TBL1X: variants seen among roughly 807,000 people sequenced by gnomAD.
TBL1X encodes F-box-like/WD repeat-containing protein TBL1X.
Under a neutral mutation model 50.7 loss-of-function variants are expected in TBL1X, and 10 were observed. The observed-to-expected ratio is 0.20, with a 90% CI of 0.12 to 0.33. The LOEUF (loss-of-function observed/expected upper bound fraction) is 0.33. Ranked by LOEUF, TBL1X falls within the 10% of genes least tolerant of loss-of-function variation. The pLI is 1.00. For missense variants in TBL1X, 340 were observed against 504.4 expected, an observed-to-expected ratio of 0.67 and a Z score of 3.12; for synonymous variants, 190 against 214.7, an observed-to-expected ratio of 0.88 and a Z score of 1.01.
rs571548640 is a variant in TBL1X at position 9,578,287 on chromosome X, G to A, written c.-130-61986G>A. On this transcript the variant is annotated intron_variant, in intron 2 of 17. Transcript: ENST00000645353. The stretch of plus-strand genomic sequence containing the variant: ...GCCTCACTCTGTCTCCCACGCTGGA[G>A]TGCAGTGGCGCAATCAAAGCTGACT... Among the ~76,000 whole-genome samples, 121 of 111,155 alleles carry A rather than the reference G, an allele frequency of 1.1e-3. No homozygotes were observed. In the Middle Eastern group the frequency reaches 0.014, roughly 13 times the overall value.
At chrX:9,662,862 T>TG (rs1943358124) in intron 5 of TBL1X, among the ~76,000 whole-genome samples, 2 of 111,868 alleles carry the variant, frequency 1.8e-5, no homozygotes, top group Admixed American at 1.9e-4. Flanking sequence ...AAGGCTGAGG[T>TG]GGGGGGATCA....
chrX:9,559,899 T>C (rs1023589096), intron 2 of TBL1X, among the ~76,000 whole-genome samples: 3 of 112,465 alleles, frequency 2.7e-5, no homozygotes, highest in Non-Finnish European at 5.6e-5. Context: ...AGGAAATATC[T>C]GCAGCCTTTT....
chrX:9,606,353 A>G (rs766991646), intron 2 of TBL1X, among the ~76,000 whole-genome samples: 1 of 112,061 alleles, frequency 8.9e-6, no homozygotes, highest in Non-Finnish European at 1.9e-5. Flanking sequence ...ATAATCGTCT[A>G]TCAGAAAATT....
intron 17 of TBL1X, 98 bp from the exon 18 acceptor site, chrX:9,716,122 C>A: frequency 1.1e-6 from 1 of 908,267 alleles, no homozygotes; most frequent in Non-Finnish European, 1.6e-6. Flanking sequence ...CGGTGGAGGG[C>A]TAGATTGGGC....
At chrX:9,709,432 TC>T in intron 14 of TBL1X, 110 bp downstream of exon 14, 1 of 978,392 alleles carries the variant, frequency 1.0e-6, no homozygotes, top group Middle Eastern at 2.6e-4. Flanking sequence ...CTGACCACCC[TC>T]CCTTCCTCTG....
At chrX:9,674,362 C>G (rs767235513) in intron 5 of TBL1X, among the ~76,000 whole-genome samples, 179 of 109,437 alleles carry the variant, frequency 1.6e-3, no homozygotes, top group Non-Finnish European at 2.5e-3. Context: ...TGGGCTCAAG[C>G]AGTCCTCCCA....
intron 2 of TBL1X, among the ~76,000 whole-genome samples, chrX:9,540,953 A>G (rs2082211498): frequency 1.8e-5 from 2 of 111,544 alleles, no homozygotes; most frequent in African/African-American, 6.5e-5. Context: ...CCAGTTTCCA[A>G]CTCAACCTCT....
intron 2 of TBL1X, among the ~76,000 whole-genome samples, chrX:9,536,737 A>C (rs1223363753): frequency 1.8e-5 from 2 of 111,765 alleles, no homozygotes; most frequent in African/African-American, 3.3e-5. Context: ...TGTTACTCTT[A>C]AATTGGGCTG....
intron 12 of TBL1X, among the ~76,000 whole-genome samples, chrX:9,701,085 A>G (rs910709852): frequency 9.0e-6 from 1 of 110,601 alleles, no homozygotes; most frequent in African/African-American, 3.3e-5. Flanking sequence ...GCAGCGATAC[A>G]CATCTACCCA....
intron 11 of TBL1X, among the ~76,000 whole-genome samples, chrX:9,694,393 G>A (rs185585449): frequency 2.6e-4 from 29 of 111,492 alleles, no homozygotes; most frequent in African/African-American, 9.1e-4. Context: ...CTTGAAGTTC[G>A]AGACCAGCCT....
intron 2 of TBL1X, among the ~76,000 whole-genome samples, chrX:9,513,093 C>A: frequency 9.0e-6 from 1 of 110,760 alleles, no homozygotes; most frequent in South Asian, 4.0e-4. Flanking sequence ...GAGGAAGCCC[C>A]CAGAGTCTCG....
At chrX:9,658,786 G>A (rs1369049577) in intron 5 of TBL1X, among the ~76,000 whole-genome samples, 4 of 111,288 alleles carry the variant, frequency 3.6e-5, no homozygotes, top group African/African-American at 1.3e-4. Context: ...GGGAAAGGGA[G>A]GTACTATGAA....
At chrX:9,522,010 TTTC>T (rs1316657118) in intron 2 of TBL1X, among the ~76,000 whole-genome samples, 3 of 106,961 alleles carry the variant, frequency 2.8e-5, no homozygotes, top group Non-Finnish European at 5.7e-5. Context: ...TCTTTCTTCG[TTTC>T]TTTTTTTTTT....
chrX:9,521,349 G>A (rs1279133011), intron 2 of TBL1X, among the ~76,000 whole-genome samples: 1 of 111,402 alleles, frequency 9.0e-6, no homozygotes, highest in Non-Finnish European at 1.9e-5. Context: ...GGTGGGTCCG[G>A]TAGATGCAGG....
intron 2 of TBL1X, among the ~76,000 whole-genome samples, chrX:9,553,683 T>A (rs1391232480): frequency 8.9e-6 from 1 of 112,027 alleles, no homozygotes; most frequent in East Asian, 2.8e-4. Context: ...CTGTTTATTA[T>A]TTTCATTGAT....
chrX:9,611,371 T>C (rs1473871125), intron 2 of TBL1X, among the ~76,000 whole-genome samples: 1 of 112,595 alleles, frequency 8.9e-6, no homozygotes, highest in Admixed American at 9.4e-5. Context: ...ACCTTTCTTA[T>C]GGGTGGTTCT....
In TBL1X at chrX:9,511,674, A is replaced by G. The variant is rs759084139; in HGVS notation, c.-131+9825A>G. 6.2e-5 allele frequency among the ~76,000 whole-genome samples: 7 copies of G among 112,338 alleles called. No homozygotes were observed. The East Asian group carries it at 8.4e-4, about 13-fold the overall frequency. On this transcript the variant is annotated intron_variant, in intron 2 of 17. Transcript: ENST00000645353. Reference sequence around the variant, plus strand: ...TCACAATTACAGTTGGTACTTCTCAATTCTCAGTGAATTGTGTAGTGGAAT... The same window carrying G: ...TCACAATTACAGTTGGTACTTCTCAGTTCTCAGTGAATTGTGTAGTGGAAT...
At chrX:9,584,539 C>T (rs2082458694) in intron 2 of TBL1X, among the ~76,000 whole-genome samples, 2 of 111,751 alleles carry the variant, frequency 1.8e-5, no homozygotes, top group African/African-American at 6.5e-5. Flanking sequence ...TTGGACTTCC[C>T]TGTTGGGGAG....
chrX:9,539,012 C>T (rs2082202590), intron 2 of TBL1X, among the ~76,000 whole-genome samples: 1 of 112,239 alleles, frequency 8.9e-6, no homozygotes. Context: ...GGTTGAGAAG[C>T]GGTGAGTTAG....
Sources: gnomAD v4.1 joint callset for allele counts (sites outside exome capture counted in the v4.1 genomes callset) on GRCh38, gnomAD v4.1.1 for gene constraint, MANE v1.5 for transcripts, NCBI Gene and HGNC (gene_info 2026-07-23, HGNC 2026-07-21) for gene names.